The following HBP1 variants were observed in gnomAD, a reference collection of about 807,000 sequenced individuals.
The protein encoded by HBP1 is HMG box-containing protein 1.
HBP1 carries 20 observed loss-of-function variants against 62.6 expected under a neutral mutation model. The ratio of observed to expected loss-of-function variants is 0.32; its 90% CI spans 0.22 to 0.46. HBP1 has a LOEUF of 0.46. HBP1 is among the 20% of genes least tolerant of loss of function. The pLI, the probability that HBP1 is intolerant of heterozygous loss-of-function variation, is 1.00. For synonymous variants in HBP1, 232 were observed against 206.2 expected, an observed-to-expected ratio of 1.12 and a Z score of -1.07; for missense variants, 480 against 611.8, an observed-to-expected ratio of 0.78 and a Z score of 2.27.
Position 107,196,001 on chromosome 7 carries a change from C to A in HBP1, c.1235C>A (p.Ser412Tyr). Residue 412 changes from serine (S) to tyrosine (Y), a missense_variant, in exon 9 of 11, where the codon TCT becomes TAT. Physicochemically the swap from Ser to Tyr is moderately radical, Grantham distance 144. Coordinates refer to ENST00000222574, the MANE Select transcript of HBP1 (RefSeq NM_012257.4). ...SPGSSQLSSNSLYAKAVKNHS... is the reference protein window; with the variant it reads ...SPGSSQLSSNYLYAKAVKNHS... ...GGATCATCACAGCTCTCTTCCAATT[C>A]TTTGTATGCTAAAGCTGTCAAAAAC... 6.2e-7 allele frequency: 1 copy of A among 1,614,064 alleles called. No individual in the cohort carries two copies. The highest frequency in any genetic ancestry group is 8.5e-7 in the Non-Finnish European group (1 of 1,179,956).
rs1798351770 is a variant in HBP1, at chr7:107,201,962, A to G, written c.*531A>G. Reference sequence around the variant, plus strand: ...CTAGTCTGGTCAGTGCCAAGAGGCTACCAGAACATGGGGCAGGTGGCTGGT... The same window carrying G: ...CTAGTCTGGTCAGTGCCAAGAGGCTGCCAGAACATGGGGCAGGTGGCTGGT... On this transcript the variant is annotated 3_prime_UTR_variant, in exon 11 of 11. Coordinates refer to ENST00000222574, the MANE Select transcript of HBP1 (RefSeq NM_012257.4). The G allele has an allele frequency of 6.6e-6, 1 of 152,664 alleles. No homozygotes were observed. The highest frequency in any genetic ancestry group is 6.5e-5 in the Admixed American group (1 of 15,284). 9.5% of individuals were successfully genotyped at this position (152,664 alleles called of 1,614,324 possible).
chr7:107,198,624 T>C (rs1489397501), intron 9 of HBP1, among the ~76,000 whole-genome samples: 2 of 152,186 alleles, frequency 1.3e-5, no homozygotes, highest in Admixed American at 1.3e-4. Context: ...ATGGGATAAA[T>C]CATAATTTTG....
intron 2 of HBP1, among the ~76,000 whole-genome samples, chr7:107,182,095 A>G (rs1473166660): frequency 6.6e-6 from 1 of 152,218 alleles, no homozygotes; most frequent in Non-Finnish European, 1.5e-5. Context: ...TATTGCACAC[A>G]TAAAATGCCT....
At chr7:107,184,440 G>T (rs1426811835) in intron 3 of HBP1, among the ~76,000 whole-genome samples, 1 of 152,208 alleles carries the variant, frequency 6.6e-6, no homozygotes, top group Non-Finnish European at 1.5e-5. Context: ...TGAGGATAAG[G>T]TAGAAATTGA....
At chr7:107,200,109 G>A in intron 9 of HBP1, 51 bp from the exon 10 acceptor site, 1 of 1,422,388 alleles carries the variant, frequency 7.0e-7, no homozygotes. Context: ...CTTGACATGA[G>A]ATTTATGAAA....
At position 107,176,678 on chromosome 7, in the gene HBP1, C is replaced by A. The variant is rs145136607; in HGVS notation, c.-15-3201C>A. Among the ~76,000 whole-genome samples, 414 of 148,236 alleles carry A rather than the reference C, an allele frequency of 2.8e-3. 1 individual carries two copies. The highest frequency in any genetic ancestry group is 0.014 in the Middle Eastern group (4 of 288). ...TCGTGTGCCACAGAGTAGAGAATCA[C>A]TGATGAAATTAAATTTGCTCCATTT... On this transcript the variant is annotated intron_variant, in intron 1 of 10. Transcript: ENST00000222574.
chr7:107,172,772 T>G (rs60049176), intron 1 of HBP1, among the ~76,000 whole-genome samples: 2,034 of 152,268 alleles, frequency 0.013, 49 homozygotes, highest in African/African-American at 0.046. Context: ...TTTAAAAATT[T>G]TTTAGAGATG....
intron 1 of HBP1, among the ~76,000 whole-genome samples, chr7:107,175,564 G>A (rs1796795846): frequency 6.6e-6 from 1 of 152,050 alleles, no homozygotes; most frequent in Admixed American, 6.5e-5. Flanking sequence ...AGTAGTAGTA[G>A]TAGTATAGCC....
chr7:107,188,276 A>G (rs908402752), intron 6 of HBP1, among the ~76,000 whole-genome samples: 1 of 152,096 alleles, frequency 6.6e-6, no homozygotes, highest in African/African-American at 2.4e-5. Flanking sequence ...AACTGCCCTT[A>G]CCTTTTTCTT....
chr7:107,188,586 C>A lies in HBP1; in HGVS notation c.766-706C>A, dbSNP rs566263590. ...TTGTTAGTGTTTGTATTTTCAGATC[C>A]TACCATGTGGCATGTGTTAAATGCT... On this transcript the variant is annotated intron_variant, in intron 6 of 10. Coordinates refer to ENST00000222574, the MANE Select transcript of HBP1 (RefSeq NM_012257.4). 3.9e-5 allele frequency among the ~76,000 whole-genome samples: 6 copies of A among 152,218 alleles called. No homozygotes were observed. The East Asian group carries it at 9.7e-4, about 24-fold the overall frequency.
intron 3 of HBP1, 42 bp downstream of exon 3, chr7:107,182,643 T>C: frequency 9.5e-7 from 1 of 1,051,996 alleles, no homozygotes; most frequent in South Asian, 1.5e-5. Context: ...ATTCTATCAT[T>C]ACACAAAGGT....
At chr7:107,186,498 C>T (rs1797379735) in intron 5 of HBP1, 26 bp downstream of exon 5, 1 of 1,582,106 alleles carries the variant, frequency 6.3e-7, no homozygotes, top group Non-Finnish European at 8.7e-7. Context: ...AAACAAAAAC[C>T]TTGAATTTTC....
intron 1 of HBP1, among the ~76,000 whole-genome samples, chr7:107,177,296 C>T (rs1442284102): frequency 6.6e-6 from 1 of 152,176 alleles, no homozygotes; most frequent in African/African-American, 2.4e-5. Flanking sequence ...AACCCGTTTC[C>T]TTACATCTAA....
intron 1 of HBP1, among the ~76,000 whole-genome samples, chr7:107,178,587 T>A (rs533007070): frequency 6.6e-6 from 1 of 152,356 alleles, no homozygotes; most frequent in South Asian, 2.1e-4. Context: ...ATTATTCATC[T>A]TTCTATACAT....
chr7:107,201,617 C>G lies in HBP1; in HGVS notation c.*186C>G, dbSNP rs2116048908. 1 of 440,334 alleles carries G rather than the reference C, an allele frequency of 2.3e-6. No individual in the cohort carries two copies. The highest frequency in any genetic ancestry group is 3.5e-5 in the East Asian group (1 of 28,924). 27.3% of individuals were successfully genotyped at this position (440,334 alleles called of 1,614,324 possible). On this transcript the variant is annotated 3_prime_UTR_variant, in exon 11 of 11. Coordinates refer to ENST00000222574, the MANE Select transcript of HBP1 (RefSeq NM_012257.4). ...TTGCTTTCTCCATTAGAGCATTAAGCTAAAACTATCAACATTTTAAACCAA... is the reference window on the plus strand; with the variant it reads ...TTGCTTTCTCCATTAGAGCATTAAGGTAAAACTATCAACATTTTAAACCAA...
intron 3 of HBP1, among the ~76,000 whole-genome samples, chr7:107,185,589 G>GA (rs1797313970): frequency 1.3e-5 from 2 of 152,076 alleles, no homozygotes; most frequent in African/African-American, 2.4e-5. Context: ...TGTCAAATCT[G>GA]AAAAAAACGA....
At chr7:107,181,344 T>C (rs1459031956) in intron 2 of HBP1, among the ~76,000 whole-genome samples, 1 of 152,070 alleles carries the variant, frequency 6.6e-6, no homozygotes, top group Admixed American at 6.5e-5. Flanking sequence ...GGTGGGTACA[T>C]GCCTGTAGTC....
chr7:107,188,636 T>C (rs1167527822), intron 6 of HBP1, among the ~76,000 whole-genome samples: 1 of 152,208 alleles, frequency 6.6e-6, no homozygotes. Context: ...TTTAAATTTT[T>C]CTGGTTCTAT....
chr7:107,181,304 A>C (rs1471196549), intron 2 of HBP1, among the ~76,000 whole-genome samples: 1 of 152,070 alleles, frequency 6.6e-6, no homozygotes, highest in East Asian at 1.9e-4. Context: ...TCATCTCTAC[A>C]AAAATTTTCT....
Sources: gnomAD v4.1 joint callset for allele counts (sites outside exome capture counted in the v4.1 genomes callset) on GRCh38, gnomAD v4.1.1 for gene constraint, MANE v1.5 for transcripts, NCBI Gene and HGNC (gene_info 2026-07-23, HGNC 2026-07-21) for gene names.